PLA2R1: variants seen among roughly 807,000 people sequenced by gnomAD.
The protein encoded by PLA2R1 is secretory phospholipase A2 receptor.
In PLA2R1, 158 loss-of-function variants were observed where a neutral mutation model predicts 195.9. That is an observed-to-expected ratio of 0.81 (90% CI 0.71 to 0.92). The LOEUF is 0.92. PLA2R1 is among the 40% of genes least tolerant of loss of function. PLA2R1 has a pLI of 0.00. For synonymous variants in PLA2R1, 586 were observed against 598.2 expected, an observed-to-expected ratio of 0.98 and a Z score of 0.30; for missense variants, 1,626 against 1,764.6, an observed-to-expected ratio of 0.92 and a Z score of 1.41.
intron 3 of PLA2R1, 31 bp downstream of exon 3, chr2:160,041,994 G>A (rs763355018): frequency 1.1e-5 from 17 of 1,547,978 alleles, no homozygotes; most frequent in Non-Finnish European, 1.5e-5. Context: ...ATTCATTCAT[G>A]ACATATAGAG....
chr2:160,049,130 C>T (rs149864839), intron 1 of PLA2R1, among the ~76,000 whole-genome samples: 13,997 of 152,050 alleles, frequency 0.092, 926 homozygotes, highest in East Asian at 0.25. Context: ...CGTGAGCCAC[C>T]GCGCCCGGCC....
intron 1 of PLA2R1, among the ~76,000 whole-genome samples, chr2:160,060,124 C>A (rs1356156813): frequency 6.6e-6 from 1 of 152,162 alleles, no homozygotes; most frequent in Non-Finnish European, 1.5e-5. Flanking sequence ...ATAAAAAATG[C>A]TGTATGTATA....
intron 6 of PLA2R1, among the ~76,000 whole-genome samples, chr2:160,026,968 T>C (rs1693561811): frequency 6.6e-6 from 1 of 152,162 alleles, no homozygotes; most frequent in Admixed American, 6.5e-5. Flanking sequence ...ACCCCGTCTC[T>C]ATAAAAATAC....
intron 5 of PLA2R1, 101 bp downstream of exon 5, chr2:160,028,749 A>G (rs938125831): frequency 9.8e-6 from 7 of 713,760 alleles, no homozygotes; most frequent in South Asian, 5.0e-5. Flanking sequence ...ATGTTTATAC[A>G]CTACTCTCAA....
chr2:159,938,231 A>G lies in PLA2R1; in HGVS notation c.*3547T>C, dbSNP rs1309659767. 2.0e-5 allele frequency: 3 copies of G among 152,234 alleles called. No homozygotes were observed. Among genetic ancestry groups the G allele is most frequent in the African/African-American group, 7.2e-5 (3 of 41,454 alleles). 9.4% of individuals were successfully genotyped at this position (152,234 alleles called of 1,614,324 possible). ...CTCAAGTCAACATCCTCTGTCAGCC[A>G]CAGATTGGAGGCCCATGGAGGACTC... On this transcript the variant is annotated 3_prime_UTR_variant, in exon 30 of 30. Coordinates refer to ENST00000283243, the MANE Select transcript of PLA2R1 (RefSeq NM_007366.5).
At chr2:160,052,870 T>C (rs1420220451) in intron 1 of PLA2R1, among the ~76,000 whole-genome samples, 1 of 152,206 alleles carries the variant, frequency 6.6e-6, no homozygotes, top group Non-Finnish European at 1.5e-5. Context: ...CTTGGGAGTA[T>C]GCCCATTAAA....
At position 159,935,639 on chromosome 2, in the gene PLA2R1, T is replaced by C. The variant is rs879789231; in HGVS notation, c.*6139A>G. On this transcript the variant is annotated 3_prime_UTR_variant, in exon 30 of 30. Coordinates refer to ENST00000283243, the MANE Select transcript of PLA2R1 (RefSeq NM_007366.5). ...TCTTTTTGTGAGCACCTCCTTATTTTCTGCCATCACAAGATATTCCAGTTT... is the reference window on the plus strand; with the variant it reads ...TCTTTTTGTGAGCACCTCCTTATTTCCTGCCATCACAAGATATTCCAGTTT... 2.1e-4 allele frequency: 32 copies of C among 152,216 alleles called. No homozygotes were observed. Among genetic ancestry groups the C allele is most frequent in the African/African-American group, 6.3e-4 (26 of 41,454 alleles). 9.4% of individuals were successfully genotyped at this position (152,216 alleles called of 1,614,324 possible). A position where few individuals can be genotyped will look rare whatever the true frequency, so the allele number is the denominator to read the frequency against.
At chr2:159,995,274 ACAT>A (rs1691135984) in intron 11 of PLA2R1, among the ~76,000 whole-genome samples, 1 of 152,130 alleles carries the variant, frequency 6.6e-6, no homozygotes, top group Non-Finnish European at 1.5e-5. Flanking sequence ...GCCAAACTGA[ACAT>A]CATGGCATTA....
intron 11 of PLA2R1, among the ~76,000 whole-genome samples, chr2:159,988,017 C>T (rs779270760): frequency 2.0e-5 from 3 of 152,110 alleles, no homozygotes; most frequent in African/African-American, 7.2e-5. Flanking sequence ...ATGTGATATA[C>T]TAGTTATGGA....
chr2:160,009,176 A>G (rs144569545), intron 10 of PLA2R1, among the ~76,000 whole-genome samples: 2,044 of 152,384 alleles, frequency 0.013, 28 homozygotes, highest in Non-Finnish European at 0.017. Context: ...AAATCAAATT[A>G]TCATATGATC....
At position 160,025,340 on chromosome 2, in the gene PLA2R1, G is replaced by T. The variant is rs115555887; in HGVS notation, c.1100-2481C>A. On this transcript the variant is annotated intron_variant, in intron 6 of 29. Coordinates refer to ENST00000283243, the MANE Select transcript of PLA2R1 (RefSeq NM_007366.5). ...TATTCCAGCCTGGGCAACAGTGCAA[G>T]ACACCGTCTCTAAAGCATAAATAAA... Among the ~76,000 whole-genome samples the T allele has an allele frequency of 9.3e-3, 1,416 of 152,074 alleles. 22 individuals are homozygous for T. The highest frequency in any genetic ancestry group is 0.031 in the African/African-American group (1,278 of 41,452).
intron 1 of PLA2R1, among the ~76,000 whole-genome samples, chr2:160,060,517 C>T (rs1164322752): frequency 6.6e-6 from 1 of 152,226 alleles, no homozygotes; most frequent in East Asian, 1.9e-4. Context: ...TACATAACCT[C>T]CGTGCTCCTT....
chr2:160,025,981 G>A (rs890851938), intron 6 of PLA2R1, among the ~76,000 whole-genome samples: 2 of 152,146 alleles, frequency 1.3e-5, no homozygotes, highest in Non-Finnish European at 2.9e-5. Flanking sequence ...AGTGTATTCA[G>A]GATTTTTGAT....
In PLA2R1 at chr2:160,028,926, G is replaced by A. The variant is rs146535221; in HGVS notation, c.879C>T (p.Gly293=). 1 of 1,607,734 alleles carries A rather than the reference G, an allele frequency of 6.2e-7. No individual in the cohort carries two copies. The highest frequency in any genetic ancestry group is 1.3e-5 in the African/African-American group (1 of 74,858). ...CAGCGTGTTCATCCAGCTGATTGAG[G>A]CCCATCCACACCTCCACTGTTTTAC... ...MSSKTVEVWM[G]LNQLDEHAGW... Residue 293 remains glycine (G), a synonymous_variant, in exon 5 of 30, where the codon GGC becomes GGT. Transcript: ENST00000283243.
intron 11 of PLA2R1, among the ~76,000 whole-genome samples, chr2:159,992,162 G>A (rs1690858050): frequency 6.6e-6 from 1 of 150,830 alleles, no homozygotes; most frequent in Non-Finnish European, 1.5e-5. Context: ...CATTCTAACT[G>A]GTGTGAGATG....
chr2:160,015,114 T>C (rs1365904532), intron 9 of PLA2R1, among the ~76,000 whole-genome samples: 1 of 152,162 alleles, frequency 6.6e-6, no homozygotes, highest in Non-Finnish European at 1.5e-5. Context: ...ACACAATGAA[T>C]ACGGGAAGGA....
downstream of PLA2R1, among the ~76,000 whole-genome samples, chr2:159,927,006 C>T (rs577715721): frequency 6.6e-6 from 1 of 152,286 alleles, no homozygotes; most frequent in East Asian, 1.9e-4. Context: ...TCTCCTTTCC[C>T]AGCCCCACAC....
chr2:159,944,550 C>G (rs1219435559), intron 28 of PLA2R1, among the ~76,000 whole-genome samples: 1 of 151,814 alleles, frequency 6.6e-6, no homozygotes, highest in Non-Finnish European at 1.5e-5. Context: ...TTCCTGAGGC[C>G]AAACATAAAC....
chr2:160,002,004 A>T (rs1691629760), intron 11 of PLA2R1, among the ~76,000 whole-genome samples: 1 of 151,388 alleles, frequency 6.6e-6, no homozygotes, highest in Non-Finnish European at 1.5e-5. Flanking sequence ...CAGAATATAC[A>T]ATCTTTTCAA....
Sources: gnomAD v4.1 joint callset for allele counts (sites outside exome capture counted in the v4.1 genomes callset) on GRCh38, gnomAD v4.1.1 for gene constraint, MANE v1.5 for transcripts, NCBI Gene and HGNC (gene_info 2026-07-23, HGNC 2026-07-21) for gene names.